The following CHD4 variants were observed in gnomAD, a reference collection of about 807,000 sequenced individuals.
CHD4 encodes chromodomain helicase DNA binding protein 4.
CHD4 carries 35 observed loss-of-function variants against 235.5 expected under a neutral mutation model. The observed-to-expected ratio is 0.15, with a 90% CI of 0.11 to 0.20. The LOEUF (loss-of-function observed/expected upper bound fraction) is 0.20, where lower values mean the gene tolerates loss of function less well. Among genes scored for constraint, CHD4 ranks in the 10% least tolerant of loss-of-function variants. CHD4 has a pLI of 1.00. For synonymous variants in CHD4, 900 were observed against 850.2 expected, an observed-to-expected ratio of 1.06 and a Z score of -1.02; for missense variants, 1,329 against 2,432.3, an observed-to-expected ratio of 0.55 and a Z score of 9.54.
At chr12:6,600,827 A>G in intron 7 of CHD4, 99 bp downstream of exon 7, 2 of 1,514,202 alleles carry the variant, frequency 1.3e-6, no homozygotes, top group South Asian at 1.3e-5. Context: ...AACGCCCCAC[A>G]TTCTTACGTG....
At position 6,593,204 on chromosome 12, in the gene CHD4, C is replaced by T; in HGVS notation, c.2539G>A (p.Val847Met). The part of the protein sequence containing the change: ...MKKEASVKFH[V>M]LLTSYELITI... ...ATCAATTCATAGGATGTCAGCAGCACATGGAATTTCACAGATGCCTCTTTC... is the reference window on the plus strand; with the variant it reads ...ATCAATTCATAGGATGTCAGCAGCATATGGAATTTCACAGATGCCTCTTTC... The change falls in exon 17 of 40, where the codon GTG becomes ATG. Residue 847 changes from valine to methionine, a missense_variant. By Grantham distance (21) the Val-to-Met change is conservative. Transcript: ENST00000544040. The surrounding 1 kb of genome is among the most constrained non-coding windows in gnomAD (Gnocchi z 4.9). 1 of 1,614,174 alleles carries T rather than the reference C, an allele frequency of 6.2e-7. No homozygotes were observed. Among genetic ancestry groups the T allele is most frequent in the Non-Finnish European group, 8.5e-7 (1 of 1,180,048 alleles).
intron 12 of CHD4, among the ~76,000 whole-genome samples, chr12:6,597,688 TC>T (rs1193871496): frequency 5.3e-5 from 8 of 149,666 alleles, no homozygotes; most frequent in African/African-American, 2.0e-4. Flanking sequence ...ATCACTTGAA[TC>T]TGGGAGGCAG....
In CHD4 at chr12:6,583,188, C is replaced by T; in HGVS notation, c.4060+10G>A. On this transcript the variant is annotated intron_variant, in intron 26 of 39. Transcript: ENST00000544040. ...GCCCATGGGTGGGGGGCGGGGCCGG[C>T]CACACACACCTCGGTCCTCCTGGGA... The T allele has an allele frequency of 6.2e-7, 1 of 1,613,946 alleles. No homozygotes were observed. The highest frequency in any genetic ancestry group is 8.5e-7 in the Non-Finnish European group (1 of 1,179,924).
chr12:6,604,835 G>A (rs1464850250), intron 2 of CHD4, among the ~76,000 whole-genome samples: 1 of 152,162 alleles, frequency 6.6e-6, no homozygotes, highest in Non-Finnish European at 1.5e-5. Flanking sequence ...GCAGCTCCCG[G>A]TCAACATGAA....
At chr12:6,580,573 G>A (rs1199225696) in intron 33 of CHD4, 11 of 156,214 alleles carry the variant, frequency 7.0e-5, no homozygotes, top group African/African-American at 2.4e-4. Context: ...TGAGCATGGT[G>A]GTACATGCCT....
chr12:6,605,633 C>T (rs959512405), intron 2 of CHD4, among the ~76,000 whole-genome samples: 7 of 152,182 alleles, frequency 4.6e-5, no homozygotes, highest in African/African-American at 1.7e-4. Context: ...GCCCTCCCTT[C>T]TTTTGCCCCT....
chr12:6,607,040 G>A (rs1162516377), intron 1 of CHD4: 1 of 151,196 alleles, frequency 6.6e-6, no homozygotes, highest in Non-Finnish European at 1.5e-5. Context: ...ATCAAAGGGC[G>A]AGGGGGTGGG....
chr12:6,595,971 A>C, intron 13 of CHD4, 35 bp downstream of exon 13: 2 of 1,566,292 alleles, frequency 1.3e-6, no homozygotes, highest in South Asian at 2.4e-5. Context: ...AAAAAAAAAA[A>C]GAAACAACTC....
At position 6,598,581 on chromosome 12, in the gene CHD4, CGGGCA is replaced by C. The variant is rs1419270281; in HGVS notation, c.1483-161_1483-157del. Among the ~76,000 whole-genome samples, 3 of 152,156 alleles carry C rather than the reference CGGGCA, an allele frequency of 2.0e-5. No individual in the cohort carries two copies. The East Asian group carries it at 5.8e-4, about 29-fold the overall frequency. On this transcript the variant is annotated intron_variant, in intron 10 of 39. Coordinates refer to ENST00000544040, the MANE Select transcript of CHD4 (RefSeq NM_001273.5). ...ATCCCAGCACCTTGGGAGGCCGAGG[CGGGCA>C]GATCACGAGGTCAAGAGATCGAGAC...
At chr12:6,585,801 A>C (rs1014910584) in intron 25 of CHD4, among the ~76,000 whole-genome samples, 12 of 148,750 alleles carry the variant, frequency 8.1e-5, no homozygotes, top group East Asian at 2.0e-4. Flanking sequence ...AAAAAAAAAA[A>C]CACACACACA....
At chr12:6,581,237 G>A in intron 32 of CHD4, 54 bp downstream of exon 32, 1 of 1,613,204 alleles carries the variant, frequency 6.2e-7, no homozygotes, top group Non-Finnish European at 8.5e-7. Flanking sequence ...CTAAAAGGAA[G>A]ACTGGACTTA....
chr12:6,593,662 T>C lies in CHD4; in HGVS notation c.2314-46A>G, dbSNP rs761071214. The C allele has an allele frequency of 5.7e-6, 9 of 1,577,378 alleles. No homozygotes were observed. The highest frequency in any genetic ancestry group is 7.8e-6 in the Non-Finnish European group (9 of 1,151,044). ...GTCAGGACTGAGGGCCCCAGCACAC[T>C]GCAACCCCAGCGAACACCCACCACC... On this transcript the variant is annotated intron_variant, in intron 15 of 39. Coordinates refer to ENST00000544040, the MANE Select transcript of CHD4 (RefSeq NM_001273.5). This position sits in a 1 kb window ranked among gnomAD's most constrained non-coding sequence, Gnocchi z 4.9.
At chr12:6,572,838 G>T in intron 38 of CHD4, 1 of 364,018 alleles carries the variant, frequency 2.7e-6, no homozygotes, top group Non-Finnish European at 4.9e-6. Context: ...GGGATTAGAG[G>T]CGTGAGCCAC....
Position 6,593,375 on chromosome 12 carries a change from C to T in CHD4, c.2514+41G>A. On this transcript the variant is annotated intron_variant, in intron 16 of 39. Coordinates refer to ENST00000544040, the MANE Select transcript of CHD4 (RefSeq NM_001273.5). This position sits in a 1 kb window ranked among gnomAD's most constrained non-coding sequence, Gnocchi z 4.9. ...CAAGGAGGTAAACTAAGCCAGAAGC[C>T]ACAACTCTTTCTCTAGGGTGGCTTC... 6.2e-7 allele frequency: 1 copy of T among 1,608,432 alleles called. No individual in the cohort carries two copies. The highest frequency in any genetic ancestry group is 8.5e-7 in the Non-Finnish European group (1 of 1,175,626).
At position 6,593,022 on chromosome 12, in the gene CHD4, C is replaced by A; in HGVS notation, c.2652+69G>T. 1.3e-6 allele frequency: 2 copies of A among 1,588,782 alleles called. No homozygotes were observed. The highest frequency in any genetic ancestry group is 1.7e-6 in the Non-Finnish European group (2 of 1,169,096). On this transcript the variant is annotated intron_variant, in intron 17 of 39. Coordinates refer to ENST00000544040, the MANE Select transcript of CHD4 (RefSeq NM_001273.5). The surrounding 1 kb of genome is among the most constrained non-coding windows in gnomAD (Gnocchi z 4.9). ...TCTCCTCTCCATCTACAAGTTTTCC[C>A]CTTAATGAATTGGTAGTACTAGAAA...
rs972288788 is a variant in CHD4, at chr12:6,593,695, C to T, written c.2314-79G>A. 14 of 1,328,564 alleles carry T rather than the reference C, an allele frequency of 1.1e-5. No homozygotes were observed. The highest frequency in any genetic ancestry group is 9.9e-5 in the South Asian group (8 of 80,460). The allele number at this position is 1,328,564 out of a possible 1,614,324, so 82.3% of individuals were successfully genotyped here. A position where few individuals can be genotyped will look rare whatever the true frequency, so the allele number is the denominator to read the frequency against. On this transcript the variant is annotated intron_variant, in intron 15 of 39. Coordinates refer to ENST00000544040, the MANE Select transcript of CHD4 (RefSeq NM_001273.5). This position sits in a 1 kb window ranked among gnomAD's most constrained non-coding sequence, Gnocchi z 4.9. ...CAGCGAACACCCACCACCCTGCTGC[C>T]CCCTCAAGCTGAGCCAAGGACTGAC... is the stretch of plus-strand genomic sequence containing the variant.
In CHD4 at chr12:6,595,450, C is replaced by T. The variant is rs1303111107; in HGVS notation, c.2025-20G>A. The T allele has an allele frequency of 3.7e-6, 6 of 1,603,042 alleles. No homozygotes were observed. The South Asian group carries it at 4.4e-5, about 12-fold the overall frequency. On this transcript the variant is annotated intron_variant, in intron 13 of 39. Transcript: ENST00000544040. ...AACTCCCTAAAGAAGAAAGACATCACACAGCTGCCCAAAATCCTTTTCTAT... is the reference window on the plus strand; with the variant it reads ...AACTCCCTAAAGAAGAAAGACATCATACAGCTGCCCAAAATCCTTTTCTAT...
intron 30 of CHD4, 142 bp from the exon 31 acceptor site, chr12:6,581,956 C>T (rs1948200980): frequency 8.6e-7 from 1 of 1,158,228 alleles, no homozygotes; most frequent in South Asian, 1.8e-5. Flanking sequence ...GTGCCCGCCA[C>T]CACGTGCAGC....
Position 6,593,333 on chromosome 12 carries a change from C to A in CHD4, c.2514+83G>T. The A allele has an allele frequency of 6.3e-7, 1 of 1,596,908 alleles. No homozygotes were observed. The highest frequency in any genetic ancestry group is 8.6e-7 in the Non-Finnish European group (1 of 1,166,622). On this transcript the variant is annotated intron_variant, in intron 16 of 39. Coordinates refer to ENST00000544040, the MANE Select transcript of CHD4 (RefSeq NM_001273.5). The surrounding 1 kb of genome is among the most constrained non-coding windows in gnomAD (Gnocchi z 4.9). ...TCCTCCCAGGGTTACCCTTTTGCCT[C>A]ACCAGGGACCAGATCACAAGGAGGT...
Sources: gnomAD v4.1 joint callset for allele counts (sites outside exome capture counted in the v4.1 genomes callset) on GRCh38, gnomAD v4.1.1 for gene constraint, Gnocchi (gnomAD v3.1) non-coding constraint, MANE v1.5 for transcripts, NCBI Gene and HGNC (gene_info 2026-07-23, HGNC 2026-07-21) for gene names.